The following LEMD3 variants were observed in gnomAD, a reference collection of about 807,000 sequenced individuals.
The protein encoded by LEMD3 is inner nuclear membrane protein Man1.
A neutral mutation model predicts 95.2 loss-of-function variants in LEMD3; 33 were observed. That is an observed-to-expected ratio of 0.35 (90% CI 0.26 to 0.46). LEMD3 has a LOEUF of 0.46. Among genes scored for constraint, LEMD3 ranks in the 20% least tolerant of loss-of-function variants. The pLI is 1.00. For synonymous variants in LEMD3, 525 were observed against 474.6 expected (o/e 1.11, Z -1.38); for missense variants, 1,210 against 1,192.8 (o/e 1.01, Z -0.21).
intron 4 of LEMD3, among the ~76,000 whole-genome samples, chr12:65,231,315 C>A (rs1020775332): frequency 5.9e-5 from 9 of 151,900 alleles, no homozygotes; most frequent in South Asian, 2.1e-4. Flanking sequence ...TTTTTTCCCC[C>A]AAAAATGTAA....
intron 1 of LEMD3, among the ~76,000 whole-genome samples, chr12:65,209,694 G>C (rs1285038605): frequency 1.3e-5 from 2 of 151,858 alleles, no homozygotes; most frequent in African/African-American, 2.4e-5. Flanking sequence ...TTGATGTATA[G>C]AGAAATGTCG....
At chr12:65,244,166 A>G (rs941410338) in intron 10 of LEMD3, among the ~76,000 whole-genome samples, 6 of 152,148 alleles carry the variant, frequency 3.9e-5, no homozygotes, top group African/African-American at 1.4e-4. Flanking sequence ...CAATACCCCC[A>G]AAGTCTCATC....
rs779167118 is a variant in LEMD3, at chr12:65,246,348, G to A, written c.*23G>A. ...TGAAAAGATTTTCTTCCATTTCTAA[G>A]ACTGTTATTTACAATAGGAAAATTC... On this transcript the variant is annotated 3_prime_UTR_variant, in exon 13 of 13. Transcript: ENST00000308330. 3 of 1,588,156 alleles carry A rather than the reference G, an allele frequency of 1.9e-6. No individual in the cohort carries two copies. Among genetic ancestry groups the A allele is most frequent in the South Asian group, 2.2e-5 (2 of 90,638 alleles).
chr12:65,236,013 TA>T (rs1246383756), intron 4 of LEMD3, among the ~76,000 whole-genome samples: 1 of 152,216 alleles, frequency 6.6e-6, no homozygotes, highest in Non-Finnish European at 1.5e-5. Flanking sequence ...TAATGATGCC[TA>T]ACAAGATTAG....
intron 1 of LEMD3, among the ~76,000 whole-genome samples, chr12:65,198,754 A>G (rs781049056): frequency 1.3e-5 from 2 of 152,182 alleles, no homozygotes; most frequent in Non-Finnish European, 2.9e-5. Context: ...TATGATGTTA[A>G]TGCTATGTAA....
chr12:65,214,637 A>G (rs1870045735), intron 2 of LEMD3, among the ~76,000 whole-genome samples: 1 of 152,188 alleles, frequency 6.6e-6, no homozygotes, highest in African/African-American at 2.4e-5. Context: ...ATGAGGTTGC[A>G]TGTTATTAGA....
At chr12:65,217,453 T>A (rs1049987047) in intron 3 of LEMD3, among the ~76,000 whole-genome samples, 9 of 152,354 alleles carry the variant, frequency 5.9e-5, no homozygotes, top group Middle Eastern at 3.4e-3. Context: ...CCCCTTTTTA[T>A]AGCTACTGAC....
intron 4 of LEMD3, 122 bp from the exon 5 acceptor site, chr12:65,238,380 A>G (rs780508446): frequency 1.8e-5 from 12 of 668,000 alleles, no homozygotes; most frequent in Non-Finnish European, 3.1e-5. Context: ...AATTTTCTGT[A>G]ATGAATATTT....
In LEMD3 at chr12:65,246,064, A is replaced by G. The variant is rs531637249; in HGVS notation, c.2573-98A>G. 1.4e-4 allele frequency: 173 copies of G among 1,258,698 alleles called. No homozygotes were observed. In the African/African-American group the frequency reaches 2.4e-3, roughly 17 times the overall value. 78.0% of individuals were successfully genotyped at this position (1,258,698 alleles called of 1,614,324 possible). On this transcript the variant is annotated intron_variant, in intron 12 of 12. Coordinates refer to ENST00000308330, the MANE Select transcript of LEMD3 (RefSeq NM_014319.5). ...TTGAGTAATAATTTTAGATGACTTT[A>G]TTTATGTTTTGTGCTCATATGTCTT...
At chr12:65,199,878 G>T (rs2136329549) in intron 1 of LEMD3, among the ~76,000 whole-genome samples, 1 of 152,100 alleles carries the variant, frequency 6.6e-6, no homozygotes, top group Middle Eastern at 3.4e-3. Context: ...GTACCATTTT[G>T]CATTCCTACC....
chr12:65,240,352 A>G, intron 8 of LEMD3, 114 bp downstream of exon 8: 1 of 805,924 alleles, frequency 1.2e-6, no homozygotes, highest in Non-Finnish European at 2.1e-6. Flanking sequence ...CTTACTGCAC[A>G]GGTTTTTTTT....
At chr12:65,178,736 G>A (rs1868808051) in intron 1 of LEMD3, among the ~76,000 whole-genome samples, 1 of 152,114 alleles carries the variant, frequency 6.6e-6, no homozygotes, top group Non-Finnish European at 1.5e-5. Context: ...ACTCGCCCAG[G>A]GTCATGTAGC....
chr12:65,233,338 G>A (rs1870685374), intron 4 of LEMD3, among the ~76,000 whole-genome samples: 1 of 152,160 alleles, frequency 6.6e-6, no homozygotes, highest in South Asian at 2.1e-4. Flanking sequence ...AGTGGTCAAA[G>A]TAGATACATC....
intron 1 of LEMD3, among the ~76,000 whole-genome samples, chr12:65,202,609 C>T (rs1869639499): frequency 1.3e-5 from 2 of 152,106 alleles, no homozygotes; most frequent in Non-Finnish European, 2.9e-5. Flanking sequence ...ATATCTACTT[C>T]TCTCTCCTGA....
intron 1 of LEMD3, among the ~76,000 whole-genome samples, chr12:65,208,519 G>A (rs1023799441): frequency 6.6e-6 from 1 of 151,992 alleles, no homozygotes; most frequent in Non-Finnish European, 1.5e-5. Flanking sequence ...TTTCACTAGG[G>A]GTAACAGTAT....
chr12:65,197,744 T>A (rs1257246910), intron 1 of LEMD3, among the ~76,000 whole-genome samples: 2 of 152,116 alleles, frequency 1.3e-5, no homozygotes, highest in Non-Finnish European at 2.9e-5. Flanking sequence ...TGGTCATTCT[T>A]CCACCTCTAT....
chr12:65,191,324 C>T (rs997218520), intron 1 of LEMD3, among the ~76,000 whole-genome samples: 15 of 151,820 alleles, frequency 9.9e-5, no homozygotes, highest in African/African-American at 3.6e-4. Context: ...ATTATGCAAT[C>T]GACAAGGAAA....
intron 2 of LEMD3, among the ~76,000 whole-genome samples, chr12:65,215,635 C>G (rs1442317749): frequency 6.6e-6 from 1 of 152,110 alleles, no homozygotes; most frequent in Non-Finnish European, 1.5e-5. Flanking sequence ...AAAACAGTCT[C>G]ATATGAACAG....
chr12:65,210,459 A>C (rs1869902490), intron 1 of LEMD3, among the ~76,000 whole-genome samples: 2 of 152,180 alleles, frequency 1.3e-5, no homozygotes, highest in South Asian at 4.1e-4. Context: ...CAGTAATAAT[A>C]ATGGATAGTG....
Sources: allele counts gnomAD v4.1 joint callset (sites outside exome capture counted in the v4.1 genomes callset), GRCh38; gene constraint gnomAD v4.1.1; transcripts MANE v1.5; gene names NCBI Gene and HGNC (gene_info 2026-07-23, HGNC 2026-07-21).